PRRC2A: variants seen among roughly 807,000 people sequenced by gnomAD.
PRRC2A encodes the protein proline rich coiled-coil 2A, also known as protein PRRC2A.
Under a neutral mutation model 224.6 loss-of-function variants are expected in PRRC2A, and 59 were observed. The observed-to-expected ratio is 0.26, with a 90% CI of 0.21 to 0.33. The LOEUF (loss-of-function observed/expected upper bound fraction) is 0.33, where lower values mean the gene tolerates loss of function less well. Ranked by LOEUF, PRRC2A falls within the 10% of genes least tolerant of loss-of-function variation. PRRC2A has a pLI of 1.00. For synonymous variants in PRRC2A, 1,194 were observed against 1,109.5 expected (o/e 1.08, Z -1.51); for missense variants, 3,095 against 2,880.7 (o/e 1.07, Z -1.70).
At chr6:31,626,255 C>T (rs1021809829) in intron 9 of PRRC2A, 93 bp downstream of exon 9, 11 of 1,436,562 alleles carry the variant, frequency 7.7e-6, no homozygotes, top group South Asian at 1.3e-5. Context: ...GAAAGGCAGA[C>T]ATTGAAGTGT....
intron 3 of PRRC2A, 114 bp from the exon 4 acceptor site, chr6:31,624,147 C>T (rs186633510): frequency 2.5e-6 from 3 of 1,185,804 alleles, no homozygotes; most frequent in African/African-American, 3.1e-5. Flanking sequence ...ATTAATTTGT[C>T]CTTATATTTG....
At chr6:31,630,512 C>A in intron 14 of PRRC2A, 79 bp from the exon 15 acceptor site, 1 of 1,469,252 alleles carries the variant, frequency 6.8e-7, no homozygotes. Context: ...GCTGACTTGA[C>A]CGCGAGGGGA....
At position 31,630,837 on chromosome 6, in the gene PRRC2A, G is replaced by T. The variant is rs1043818873; in HGVS notation, c.2465+36G>T. On this transcript the variant is annotated intron_variant, in intron 15 of 30. Transcript: ENST00000376033. The stretch of plus-strand genomic sequence containing the variant: ...GTCATGAGAAATGGGTGAGTTCACA[G>T]TGAAAGGATCTAGGCCTGGGAGAAA... 4.4e-6 allele frequency: 7 copies of T among 1,606,256 alleles called. No individual in the cohort carries two copies. In the African/African-American group the frequency reaches 9.4e-5, roughly 21 times the overall value.
chr6:31,633,404 G>A lies in PRRC2A; in HGVS notation c.4345G>A (p.Gly1449Arg), dbSNP rs774952129. 1 of 1,612,956 alleles carries A rather than the reference G, an allele frequency of 6.2e-7. No individual in the cohort carries two copies. Among genetic ancestry groups the A allele is most frequent in the South Asian group, 1.1e-5 (1 of 91,086 alleles). The stretch of plus-strand genomic sequence containing the variant: ...TCGTCCTCCAGAGGAGCGTCCCCCG[G>A]GGCTTCCCCTGCCTCCCCCACCTCC... ...RSRPPEERPP[G>R]LPLPPPPPSS... is the part of the protein sequence containing the mutation. The change falls in exon 17 of 31, where the codon GGG becomes AGG. Residue 1449 changes from glycine to arginine, a missense_variant. Physicochemically the swap from Gly to Arg is moderately radical, Grantham distance 125. Around this residue, in one of 8 missense-constraint regions of PRRC2A, gnomAD observed 2,001 missense variants for 1,764.9 expected, o/e 1.13. Coordinates refer to ENST00000376033, the MANE Select transcript of PRRC2A (RefSeq NM_004638.4).
intron 19 of PRRC2A, 46 bp from the exon 20 acceptor site, chr6:31,634,426 A>G (rs1226091157): frequency 6.2e-7 from 1 of 1,612,144 alleles, no homozygotes; most frequent in African/African-American, 1.3e-5. Context: ...GGGCTTCTGA[A>G]CTGTCATCTC....
In PRRC2A at chr6:31,636,594, G is replaced by A. The variant is rs1193161214; in HGVS notation, c.5920G>A (p.Ala1974Thr). Residue 1974 changes from alanine (A) to threonine (T), a missense_variant, in exon 27 of 31, where the codon GCT becomes ACT. By Grantham distance (58) the Ala-to-Thr change is moderately conservative (BLOSUM62 0). Coordinates refer to ENST00000376033, the MANE Select transcript of PRRC2A (RefSeq NM_004638.4). The surrounding 1 kb of genome is among the most constrained non-coding windows in gnomAD (Gnocchi z 4.3). ...GGQSGFLPSG[A>T]PAQQMLLPMV... ...CCAAAGTGGCTTTCTCCCTTCAGGGGCTCCTGCCCAGCAGGTATATTGTAT... is the reference window on the plus strand; with the variant it reads ...CCAAAGTGGCTTTCTCCCTTCAGGGACTCCTGCCCAGCAGGTATATTGTAT... 2 of 1,603,372 alleles carry A rather than the reference G, an allele frequency of 1.2e-6. No individual in the cohort carries two copies. Among genetic ancestry groups the A allele is most frequent in the Non-Finnish European group, 1.7e-6 (2 of 1,175,362 alleles).
chr6:31,637,010 A>G lies in PRRC2A; in HGVS notation c.6148-32A>G, dbSNP rs780084931. The G allele has an allele frequency of 3.8e-6, 6 of 1,596,524 alleles. No individual in the cohort carries two copies. In the African/African-American group the frequency reaches 6.7e-5, roughly 18 times the overall value. On this transcript the variant is annotated intron_variant, in intron 28 of 30. Coordinates refer to ENST00000376033, the MANE Select transcript of PRRC2A (RefSeq NM_004638.4). ...TTGGGAGTAGGGATTCTGTATTTCAAGGTAGGCAGCTCATGATTTTTTTCC... is the reference window on the plus strand; with the variant it reads ...TTGGGAGTAGGGATTCTGTATTTCAGGGTAGGCAGCTCATGATTTTTTTCC...
At position 31,631,080 on chromosome 6, in the gene PRRC2A, C is replaced by T. The variant is rs1167711611; in HGVS notation, c.2466-59C>T. 3 of 1,406,852 alleles carry T rather than the reference C, an allele frequency of 2.1e-6. No homozygotes were observed. The highest frequency in any genetic ancestry group is 2.9e-6 in the Non-Finnish European group (3 of 1,038,442). The allele number at this position is 1,406,852 out of a possible 1,614,324, so 87.1% of individuals were successfully genotyped here. ...TGCATCATAATAAAGTGTTCTTTTC[C>T]CACCTAGTTCTGGTTTTCCTGAGAT... On this transcript the variant is annotated intron_variant, in intron 15 of 30. Coordinates refer to ENST00000376033, the MANE Select transcript of PRRC2A (RefSeq NM_004638.4). This position sits in a 1 kb window ranked among gnomAD's most constrained non-coding sequence, Gnocchi z 4.5.
Position 31,631,180 on chromosome 6 carries a change from C to G in PRRC2A, c.2507C>G (p.Ala836Gly), listed in dbSNP as rs757732014. The G allele has an allele frequency of 7.0e-6, 11 of 1,572,812 alleles. No individual in the cohort carries two copies. Among genetic ancestry groups the G allele is most frequent in the Non-Finnish European group, 9.5e-6 (11 of 1,160,388 alleles). Residue 836 changes from alanine to glycine, a missense_variant, in exon 16 of 31, where the codon GCC becomes GGC. Physicochemically the swap from Ala to Gly is moderately conservative, Grantham distance 60. Transcript: ENST00000376033. The surrounding 1 kb of genome is among the most constrained non-coding windows in gnomAD (Gnocchi z 4.5). ...GTACCTCCCCCACCACCCTATCTGG[C>G]CAGTTATCCAGGCTTTCCTGAGAAT... The part of the protein sequence containing the change: ...PPVPPPPPYL[A>G]SYPGFPENGA...
chr6:31,632,399 G>A lies in PRRC2A; in HGVS notation c.3726G>A (p.Arg1242=). The change falls in exon 16 of 31, where the codon AGG becomes AGA. Residue 1242 remains arginine, a synonymous_variant. Coordinates refer to ENST00000376033, the MANE Select transcript of PRRC2A (RefSeq NM_004638.4). The part of the protein sequence containing the change: ...VGMEDGERPR[R]RRHGRAQQQD... Reference sequence around the variant, plus strand: ...TGGAAGATGGGGAGCGACCCCGAAGGAGGCGACATGGGAGGGCTCAGCAGC... The same window carrying A: ...TGGAAGATGGGGAGCGACCCCGAAGAAGGCGACATGGGAGGGCTCAGCAGC... 2.5e-6 allele frequency: 4 copies of A among 1,610,332 alleles called. No individual in the cohort carries two copies. Among genetic ancestry groups the A allele is most frequent in the Non-Finnish European group, 3.4e-6 (4 of 1,178,038 alleles).
At position 31,625,390 on chromosome 6, in the gene PRRC2A, C is replaced by T; in HGVS notation, c.608-70C>T. ...GGTGCTGGCTTATTCACCTTCCTCC[C>T]CATCACTTTCAGCTGTGTTCACTTG... On this transcript the variant is annotated intron_variant, in intron 6 of 30. Coordinates refer to ENST00000376033, the MANE Select transcript of PRRC2A (RefSeq NM_004638.4). This position sits in a 1 kb window ranked among gnomAD's most constrained non-coding sequence, Gnocchi z 4.1. 1 of 1,612,392 alleles carries T rather than the reference C, an allele frequency of 6.2e-7. No individual in the cohort carries two copies. Among genetic ancestry groups the T allele is most frequent in the East Asian group, 2.2e-5 (1 of 44,882 alleles).
Position 31,627,894 on chromosome 6 carries a change from G to C in PRRC2A, c.1420G>C (p.Glu474Gln). The C allele has an allele frequency of 6.2e-7, 1 of 1,613,066 alleles. No homozygotes were observed. The highest frequency in any genetic ancestry group is 8.5e-7 in the Non-Finnish European group (1 of 1,180,046). Reference protein sequence around the residue: ...VERARRRREEEERRMQEERRA... With the variant: ...VERARRRREEQERRMQEERRA... ...GCGGGCCCGGCGACGGCGAGAAGAA[G>C]AGGAGCGGCGCATGCAAGAAGAGCG... Residue 474 changes from glutamate to glutamine, a missense_variant, in exon 12 of 31, where the codon GAG becomes CAG. This residue lies in a region of PRRC2A where 2,001 missense variants were observed against 1,764.9 expected (regional missense o/e 1.13). Transcript: ENST00000376033. The surrounding 1 kb of genome is among the most constrained non-coding windows in gnomAD (Gnocchi z 5.6).
intron 17 of PRRC2A, 89 bp downstream of exon 17, chr6:31,633,736 A>T (rs2242659): frequency 6.5e-7 from 1 of 1,527,930 alleles, no homozygotes; most frequent in Non-Finnish European, 8.8e-7. Context: ...TGGCCTAGGG[A>T]CCCTGCTGCT....
rs751251900 is a variant in PRRC2A at position 31,632,348 on chromosome 6, C to CAGCAATGGAGGT, written c.3683_3694dup (p.Gly1228_Asn1231dup). 5 of 1,613,338 alleles carry CAGCAATGGAGGT rather than the reference C, an allele frequency of 3.1e-6. No homozygotes were observed. The highest frequency in any genetic ancestry group is 3.4e-6 in the Non-Finnish European group (4 of 1,179,982). On this transcript the variant is annotated inframe_insertion, in exon 16 of 31. Transcript: ENST00000376033. ...CTCTGTCCCCTGTGGCGCGCGGAGG[C>CAGCAATGGAGGT]AGCAATGGAGGTAGCAATGTGGGCA...
intron 9 of PRRC2A, among the ~76,000 whole-genome samples, chr6:31,626,510 T>C (rs1177378175): frequency 1.3e-5 from 2 of 151,322 alleles, no homozygotes; most frequent in African/African-American, 4.9e-5. Flanking sequence ...TGAGCTATGA[T>C]CGTGCCACTG....
At position 31,622,714 on chromosome 6, in the gene PRRC2A, G is replaced by C. The variant is rs1222913444; in HGVS notation, c.-76G>C. 38 of 1,056,460 alleles carry C rather than the reference G, an allele frequency of 3.6e-5. No individual in the cohort carries two copies. The highest frequency in any genetic ancestry group is 4.1e-5 in the Non-Finnish European group (28 of 686,084). 65.4% of individuals were successfully genotyped at this position (1,056,460 alleles called of 1,614,324 possible). Reference sequence around the variant, plus strand: ...GGGGACAGAGACTGAGACACTTGCTGTCTGGCCCACAGGCTCTGGCACGTT... The same window carrying C: ...GGGGACAGAGACTGAGACACTTGCTCTCTGGCCCACAGGCTCTGGCACGTT... On this transcript the variant is annotated 5_prime_UTR_variant, in exon 2 of 31. Transcript: ENST00000376033.
At position 31,622,707 on chromosome 6, in the gene PRRC2A, A is replaced by T; in HGVS notation, c.-83A>T. 1.0e-6 allele frequency: 1 copy of T among 957,914 alleles called. No individual in the cohort carries two copies. Among genetic ancestry groups the T allele is most frequent in the Non-Finnish European group, 1.7e-6 (1 of 599,656 alleles). The allele number at this position is 957,914 out of a possible 1,614,324, so 59.3% of individuals were successfully genotyped here. On this transcript the variant is annotated 5_prime_UTR_variant, in exon 2 of 31. Transcript: ENST00000376033. ...CTGTACAGGGGACAGAGACTGAGACACTTGCTGTCTGGCCCACAGGCTCTG... is the reference window on the plus strand; with the variant it reads ...CTGTACAGGGGACAGAGACTGAGACTCTTGCTGTCTGGCCCACAGGCTCTG...
Position 31,627,968 on chromosome 6 carries a change from G to A in PRRC2A, c.1494G>A (p.Gly498=). Residue 498 remains glycine, a synonymous_variant, in exon 12 of 31, where the codon GGG becomes GGA. Coordinates refer to ENST00000376033, the MANE Select transcript of PRRC2A (RefSeq NM_004638.4). The surrounding 1 kb of genome is among the most constrained non-coding windows in gnomAD (Gnocchi z 5.6). ...TCAAGCGACTCGATGAAAAGTTTGG[G>A]GCACCTGACAAGCGGCTCAAAGCAG... ...EKLKRLDEKF[G]APDKRLKAEP... 8 of 1,612,968 alleles carry A rather than the reference G, an allele frequency of 5.0e-6. No individual in the cohort carries two copies. Among genetic ancestry groups the A allele is most frequent in the Non-Finnish European group, 6.8e-6 (8 of 1,180,016 alleles).
intron 10 of PRRC2A, 29 bp downstream of exon 10, chr6:31,626,891 G>A: frequency 6.2e-7 from 1 of 1,613,004 alleles, no homozygotes; most frequent in Admixed American, 1.7e-5. Context: ...GGGAGAAGAG[G>A]AGGGGGTCTT....
Sources: allele counts gnomAD v4.1 joint callset (sites outside exome capture counted in the v4.1 genomes callset), GRCh38; gene constraint gnomAD v4.1.1; regional missense constraint gnomAD v4.1.1; non-coding constraint Gnocchi (gnomAD v3.1); transcripts MANE v1.5; gene names NCBI Gene and HGNC (gene_info 2026-07-23, HGNC 2026-07-21).